The following ADAMTS17 variants were observed in gnomAD, a reference collection of about 807,000 sequenced individuals.
ADAMTS17 encodes the protein A disintegrin and metalloproteinase with thrombospondin motifs 17.
In ADAMTS17, 113 loss-of-function variants were observed where a neutral mutation model predicts 141.5. The observed-to-expected ratio is 0.80, with a 90% CI of 0.69 to 0.93. ADAMTS17 has a LOEUF of 0.93. Among genes scored for constraint, ADAMTS17 ranks in the 40% least tolerant of loss-of-function variants. ADAMTS17 has a pLI of 0.00. For synonymous variants in ADAMTS17, 768 were observed against 630.6 expected (o/e 1.22, Z -3.27); for missense variants, 1,659 against 1,517.9 (o/e 1.09, Z -1.54).
intron 12 of ADAMTS17, among the ~76,000 whole-genome samples, chr15:100,130,114 C>A (rs1161254707): frequency 6.6e-6 from 1 of 152,164 alleles, no homozygotes; most frequent in Non-Finnish European, 1.5e-5. Flanking sequence ...CCTGTAATCC[C>A]AGCATTTTGG....
At chr15:100,155,913 C>T (rs1037651434) in intron 8 of ADAMTS17, among the ~76,000 whole-genome samples, 2 of 152,198 alleles carry the variant, frequency 1.3e-5, no homozygotes, top group Non-Finnish European at 1.5e-5. Context: ...ACACTGTGAG[C>T]TGAACAGTGA....
intron 12 of ADAMTS17, among the ~76,000 whole-genome samples, chr15:100,117,945 A>G (rs527808691): frequency 6.6e-6 from 1 of 152,342 alleles, no homozygotes; most frequent in Non-Finnish European, 1.5e-5. Flanking sequence ...GCCAAATGTC[A>G]TCTGGACACA....
At chr15:100,210,212 C>T (rs1328340460) in intron 7 of ADAMTS17, among the ~76,000 whole-genome samples, 1 of 98,194 alleles carries the variant, frequency 1.0e-5, no homozygotes, top group Non-Finnish European at 1.8e-5. Context: ...GCCTGGGAGA[C>T]AAAGCGAGAC....
intron 15 of ADAMTS17, among the ~76,000 whole-genome samples, chr15:100,084,251 C>A (rs1396035575): frequency 1.3e-5 from 2 of 152,204 alleles, no homozygotes; most frequent in Non-Finnish European, 2.9e-5. Flanking sequence ...ATTGCTAGCA[C>A]AGCAGTCTGA....
chr15:100,275,129 GCA>G (rs1242470859), intron 4 of ADAMTS17, among the ~76,000 whole-genome samples: 13 of 152,210 alleles, frequency 8.5e-5, no homozygotes, highest in African/African-American at 3.1e-4. Context: ...GGGGACATTT[GCA>G]CAGAGTCCTA....
intron 15 of ADAMTS17, among the ~76,000 whole-genome samples, chr15:100,087,139 T>C (rs2035158354): frequency 6.6e-6 from 1 of 151,962 alleles, no homozygotes; most frequent in African/African-American, 2.4e-5. Context: ...ATAGACACAA[T>C]ACAAAATGAT....
chr15:100,113,191 G>A (rs551571600), intron 13 of ADAMTS17, among the ~76,000 whole-genome samples: 2 of 152,168 alleles, frequency 1.3e-5, no homozygotes, highest in African/African-American at 2.4e-5. Flanking sequence ...TCTTTCCTGG[G>A]AACTCGGTAC....
intron 8 of ADAMTS17, among the ~76,000 whole-genome samples, chr15:100,174,435 C>T (rs2040265708): frequency 6.7e-6 from 1 of 150,324 alleles, no homozygotes; most frequent in Non-Finnish European, 1.5e-5. Flanking sequence ...TACCAAGTAT[C>T]CTGGGTATTG....
intron 21 of ADAMTS17, among the ~76,000 whole-genome samples, chr15:99,975,170 T>C (rs1178945123): frequency 6.6e-6 from 1 of 152,190 alleles, no homozygotes; most frequent in Admixed American, 6.5e-5. Flanking sequence ...CTCAGGGACT[T>C]GTATTTAGCA....
At chr15:100,185,828 C>T (rs969101247) in intron 8 of ADAMTS17, among the ~76,000 whole-genome samples, 2 of 152,176 alleles carry the variant, frequency 1.3e-5, no homozygotes, top group African/African-American at 2.4e-5. Context: ...TCCTGAAGTC[C>T]TTCTTAAAAC....
intron 13 of ADAMTS17, among the ~76,000 whole-genome samples, chr15:100,113,527 G>A (rs948399850): frequency 6.6e-6 from 1 of 152,202 alleles, no homozygotes; most frequent in African/African-American, 2.4e-5. Context: ...TCTGAAGCTT[G>A]AACTGTATGT....
intron 3 of ADAMTS17, among the ~76,000 whole-genome samples, chr15:100,300,023 A>AG (rs1259241418): frequency 1.3e-5 from 2 of 152,226 alleles, no homozygotes; most frequent in African/African-American, 4.8e-5. Flanking sequence ...AAATGAACAA[A>AG]TTAAGAAAAG....
intron 3 of ADAMTS17, among the ~76,000 whole-genome samples, chr15:100,318,273 CG>C (rs61098718): frequency 0.074 from 11,290 of 151,786 alleles, 875 homozygotes; most frequent in East Asian, 0.24. Flanking sequence ...ATCTAACACC[CG>C]CCCCCCCTTA....
chr15:100,211,730 G>A (rs1019032367), intron 7 of ADAMTS17, among the ~76,000 whole-genome samples: 1 of 152,028 alleles, frequency 6.6e-6, no homozygotes, highest in Non-Finnish European at 1.5e-5. Flanking sequence ...TAAAACCAAA[G>A]ATTTAAAAAG....
At chr15:100,167,241 C>T (rs538685700) in intron 8 of ADAMTS17, among the ~76,000 whole-genome samples, 1 of 152,222 alleles carries the variant, frequency 6.6e-6, no homozygotes, top group Non-Finnish European at 1.5e-5. Context: ...CATATCTTTG[C>T]CCACAAATTA....
intron 15 of ADAMTS17, among the ~76,000 whole-genome samples, chr15:100,059,664 A>C (rs2032960847): frequency 6.6e-6 from 1 of 152,222 alleles, no homozygotes; most frequent in Non-Finnish European, 1.5e-5. Flanking sequence ...GTGGAGTCCC[A>C]AGAACAATGA....
At chr15:100,214,665 A>G (rs1897098623) in intron 7 of ADAMTS17, among the ~76,000 whole-genome samples, 1 of 152,194 alleles carries the variant, frequency 6.6e-6, no homozygotes, top group African/African-American at 2.4e-5. Context: ...TGACCTGGCC[A>G]TGCTCTATTC....
intron 7 of ADAMTS17, among the ~76,000 whole-genome samples, chr15:100,204,946 A>G (rs1055272646): frequency 1.3e-5 from 2 of 152,204 alleles, no homozygotes; most frequent in African/African-American, 4.8e-5. Context: ...CGGGAGTCAT[A>G]CAGCAGTTAT....
rs28529328 is a variant in ADAMTS17 at position 100,054,066 on chromosome 15, G to A, written c.2138-12C>T. On this transcript the variant is annotated splice_polypyrimidine_tract_variant and intron_variant, in intron 15 of 21. Transcript: ENST00000268070. ...CGAGTCTTTGAGAGCTAGAAAGCAAGTTGAAGACCAAAGAATCAAGGGGCT... is the reference window on the plus strand; with the variant it reads ...CGAGTCTTTGAGAGCTAGAAAGCAAATTGAAGACCAAAGAATCAAGGGGCT... 379,114 of 1,613,644 alleles carry A rather than the reference G, an allele frequency of 0.23. 47,002 individuals are homozygous for A. Among genetic ancestry groups the A allele is most frequent in the East Asian group, 0.45 (20,374 of 44,856 alleles).
Sources: gnomAD v4.1 joint callset for allele counts (sites outside exome capture counted in the v4.1 genomes callset) on GRCh38, gnomAD v4.1.1 for gene constraint, MANE v1.5 for transcripts, NCBI Gene and HGNC (gene_info 2026-07-23, HGNC 2026-07-21) for gene names.